PHLPP1: variants seen among roughly 807,000 people sequenced by gnomAD.
The protein encoded by PHLPP1 is PH domain leucine-rich repeat-containing protein phosphatase 1.
Under a neutral mutation model 117.2 loss-of-function variants are expected in PHLPP1, and 42 were observed. That is an observed-to-expected ratio of 0.36 (90% CI 0.28 to 0.46). The LOEUF is 0.46. Ranked by LOEUF, PHLPP1 falls within the 20% of genes least tolerant of loss-of-function variation. The pLI is 1.00. For missense variants in PHLPP1, 2,084 were observed against 2,241.9 expected (o/e 0.93, Z 1.42); for synonymous variants, 1,042 against 970.7 (o/e 1.07, Z -1.37).
At chr18:62,937,948 G>T (rs893359751) in intron 10 of PHLPP1, among the ~76,000 whole-genome samples, 1 of 152,118 alleles carries the variant, frequency 6.6e-6, no homozygotes, top group Admixed American at 6.5e-5. Flanking sequence ...GGAGGCGGAG[G>T]TTGCTGTGAG....
rs1184590289 is a variant in PHLPP1 at position 62,919,965 on chromosome 18, T to C, written c.2811T>C (p.Phe937=). 47 of 1,590,680 alleles carry C rather than the reference T, an allele frequency of 3.0e-5. No homozygotes were observed. Among genetic ancestry groups the C allele is most frequent in the Non-Finnish European group, 3.9e-5 (45 of 1,167,236 alleles). ...NQICELPARL[F]CNSSLRKLLA... ...TTTGTCCCTTTTTATACAGCTTATTTTGTAATAGCAGTCTCCGGAAACTAC... is the reference window on the plus strand; with the variant it reads ...TTTGTCCCTTTTTATACAGCTTATTCTGTAATAGCAGTCTCCGGAAACTAC... The change falls in exon 10 of 17, where the codon TTT becomes TTC. Residue 937 remains phenylalanine (F), a synonymous_variant. Coordinates refer to ENST00000262719, the MANE Select transcript of PHLPP1 (RefSeq NM_194449.4).
At chr18:62,885,457 C>T (rs768163239) in intron 4 of PHLPP1, among the ~76,000 whole-genome samples, 5 of 152,062 alleles carry the variant, frequency 3.3e-5, no homozygotes, top group African/African-American at 4.8e-5. Flanking sequence ...GTCAGAAGTT[C>T]GAGACCAGCC....
At chr18:62,879,404 ATGTGTGTGTGTGTGTGTG>A (rs61701836) in intron 4 of PHLPP1, among the ~76,000 whole-genome samples, 1 of 145,840 alleles carries the variant, frequency 6.9e-6, no homozygotes, top group Admixed American at 6.9e-5. Flanking sequence ...TATTCTGGAT[ATGTGTGTGTGTGTGTGTG>A]TGTGTGTGTG....
At chr18:62,936,229 A>G (rs1909963714) in intron 10 of PHLPP1, among the ~76,000 whole-genome samples, 1 of 152,218 alleles carries the variant, frequency 6.6e-6, no homozygotes, top group Non-Finnish European at 1.5e-5. Context: ...AACGTGAGCA[A>G]AAAGTACACA....
At chr18:62,971,381 T>TC (rs911943968) in intron 14 of PHLPP1, among the ~76,000 whole-genome samples, 1 of 149,694 alleles carries the variant, frequency 6.7e-6, no homozygotes, top group African/African-American at 2.5e-5. Context: ...TTTCCCAGTC[T>TC]TTTTTTTTTC....
At chr18:62,742,528 C>T (rs1246116184) in intron 1 of PHLPP1, among the ~76,000 whole-genome samples, 2 of 152,152 alleles carry the variant, frequency 1.3e-5, no homozygotes, top group Admixed American at 6.5e-5. Context: ...TTCCGCCTCC[C>T]GGGTTCAAGC....
At chr18:62,788,221 T>TA (rs1447342753) in intron 1 of PHLPP1, among the ~76,000 whole-genome samples, 3 of 152,174 alleles carry the variant, frequency 2.0e-5, no homozygotes, top group Admixed American at 1.3e-4. Context: ...CCCTAGGCTT[T>TA]ATCTCCGGGA....
intron 4 of PHLPP1, among the ~76,000 whole-genome samples, chr18:62,879,876 A>T (rs986708875): frequency 1.3e-5 from 2 of 152,124 alleles, no homozygotes; most frequent in Non-Finnish European, 1.5e-5. Context: ...TTCTTTTTAA[A>T]TGGTCTGTCT....
At chr18:62,718,903 A>C (rs978173476) in intron 1 of PHLPP1, among the ~76,000 whole-genome samples, 2 of 152,212 alleles carry the variant, frequency 1.3e-5, no homozygotes, top group South Asian at 2.1e-4. Flanking sequence ...ACAGTTAACA[A>C]AGTTTGAATC....
intron 3 of PHLPP1, among the ~76,000 whole-genome samples, chr18:62,857,951 A>G (rs1915539153): frequency 6.6e-6 from 1 of 152,224 alleles, no homozygotes; most frequent in Non-Finnish European, 1.5e-5. Flanking sequence ...ACAGGTTCCC[A>G]TCCACTTCCT....
rs182191947 is a variant in PHLPP1 at position 62,843,556 on chromosome 18, C to T, written c.1899+4647C>T. Among the ~76,000 whole-genome samples the T allele has an allele frequency of 1.2e-4, 18 of 152,192 alleles. No individual in the cohort carries two copies. In the East Asian group the frequency reaches 3.5e-3, roughly 29 times the overall value. On this transcript the variant is annotated intron_variant, in intron 3 of 16. Transcript: ENST00000262719. ...CTTAATATTGCTTACCAAAATAATA[C>T]CCAAGGCAGTCTCTTTAGAGTTTTT...
At chr18:62,977,303 G>T (rs1398521980) in intron 16 of PHLPP1, among the ~76,000 whole-genome samples, 1 of 151,992 alleles carries the variant, frequency 6.6e-6, no homozygotes, top group Non-Finnish European at 1.5e-5. Context: ...TGTCATCCCA[G>T]ACAGGGATTT....
chr18:62,737,995 C>T (rs903466789), intron 1 of PHLPP1, among the ~76,000 whole-genome samples: 1 of 151,984 alleles, frequency 6.6e-6, no homozygotes, highest in African/African-American at 2.4e-5. Context: ...GGGTATGTTC[C>T]AAGACCTCTA....
intron 1 of PHLPP1, among the ~76,000 whole-genome samples, chr18:62,719,956 T>C (rs954351823): frequency 6.6e-6 from 1 of 152,142 alleles, no homozygotes; most frequent in Admixed American, 6.5e-5. Context: ...TGAAAGTCTT[T>C]AATGAGCGAG....
chr18:62,861,523 G>C (rs540521362), intron 4 of PHLPP1, among the ~76,000 whole-genome samples: 3 of 152,182 alleles, frequency 2.0e-5, no homozygotes, highest in Non-Finnish European at 4.4e-5. Context: ...TCTTCATTCT[G>C]TGGTAAATTA....
rs1471277941 is a variant in PHLPP1 at position 62,975,534 on chromosome 18, A to G, written c.3893A>G (p.Asn1298Ser). The G allele has an allele frequency of 1.8e-5, 29 of 1,613,836 alleles. No individual in the cohort carries two copies. The highest frequency in any genetic ancestry group is 2.4e-5 in the Non-Finnish European group (28 of 1,179,854). The change falls in exon 16 of 17, where the codon AAT (asparagine) becomes AGT (serine). Residue 1298 changes from asparagine (N) to serine (S), a missense_variant. Physicochemically the swap from Asn to Ser is conservative, Grantham distance 46. This residue lies in a region of PHLPP1 where 1,365 missense variants were observed against 1,605.9 expected (regional missense o/e 0.85). Transcript: ENST00000262719. ...VGKCQTVLCR[N>S]GKPLPLSRSY... is the part of the protein sequence containing the mutation. ...AAGTGCCAAACAGTTCTCTGTCGAA[A>G]TGGAAAGCCGCTGCCTCTGTCCAGA...
At chr18:62,720,465 C>T (rs889846927) in intron 1 of PHLPP1, among the ~76,000 whole-genome samples, 9 of 152,094 alleles carry the variant, frequency 5.9e-5, no homozygotes, top group South Asian at 2.1e-4. Flanking sequence ...CTTGGGATTT[C>T]GCGGGAACAA....
At chr18:62,977,109 G>A (rs537587866) in intron 16 of PHLPP1, among the ~76,000 whole-genome samples, 1 of 152,270 alleles carries the variant, frequency 6.6e-6, no homozygotes, top group South Asian at 2.1e-4. Context: ...TTAAGGTTGT[G>A]CTTGAAGCCC....
intron 1 of PHLPP1, among the ~76,000 whole-genome samples, chr18:62,816,118 T>C (rs1046197782): frequency 3.3e-5 from 5 of 152,240 alleles, no homozygotes; most frequent in African/African-American, 1.2e-4. Context: ...ACATTGGGTA[T>C]TCTTTACATA....
Sources: allele counts gnomAD v4.1 joint callset (sites outside exome capture counted in the v4.1 genomes callset), GRCh38; gene constraint gnomAD v4.1.1; regional missense constraint gnomAD v4.1.1; transcripts MANE v1.5; gene names NCBI Gene and HGNC (gene_info 2026-07-23, HGNC 2026-07-21).